FAT3: variants seen among roughly 807,000 people sequenced by gnomAD.
FAT3 encodes the protein protocadherin Fat 3.
Under a neutral mutation model 310.2 loss-of-function variants are expected in FAT3, and 95 were observed. That is an observed-to-expected ratio of 0.31 (90% CI 0.26 to 0.36). FAT3 has a LOEUF of 0.36. Among genes scored for constraint, FAT3 ranks in the 10% least tolerant of loss-of-function variants. FAT3 has a pLI of 1.00. For synonymous variants in FAT3, 2,314 were observed against 2,192.9 expected, an observed-to-expected ratio of 1.06 and a Z score of -1.54; for missense variants, 5,408 against 5,715.6, an observed-to-expected ratio of 0.95 and a Z score of 1.74.
chr11:92,352,018 C>G, intron 1 of FAT3, 78 bp from the exon 2 acceptor site: 1 of 951,018 alleles, frequency 1.1e-6, no homozygotes, highest in Non-Finnish European at 1.3e-6. Flanking sequence ...AGCATGGCTT[C>G]CTAATAGTTA....
chr11:92,415,513 A>T (rs1950388330), intron 2 of FAT3, among the ~76,000 whole-genome samples: 1 of 152,182 alleles, frequency 6.6e-6, no homozygotes, highest in Non-Finnish European at 1.5e-5. Flanking sequence ...CATGTTGGCC[A>T]TCGTTTCGGA....
intron 3 of FAT3, among the ~76,000 whole-genome samples, chr11:92,589,530 A>G (rs780069425): frequency 2.6e-5 from 4 of 152,230 alleles, no homozygotes; most frequent in Non-Finnish European, 4.4e-5. Context: ...GTATGTAAAT[A>G]CACACTAAAC....
chr11:92,372,006 C>T (rs1949198951), intron 2 of FAT3, among the ~76,000 whole-genome samples: 1 of 152,188 alleles, frequency 6.6e-6, no homozygotes, highest in Admixed American at 6.5e-5. Context: ...AATACTCAGC[C>T]TGTTTTCAGT....
In FAT3 at chr11:92,791,690, T is replaced by A. The variant is rs181691087; in HGVS notation, c.4612-1077T>A. Among the ~76,000 whole-genome samples the A allele has an allele frequency of 1.8e-3, 274 of 152,352 alleles. 1 individual carries two copies. The highest frequency in any genetic ancestry group is 5.8e-3 in the African/African-American group (243 of 41,574). On this transcript the variant is annotated intron_variant, in intron 8 of 27. Coordinates refer to ENST00000525166, the MANE Select transcript of FAT3 (RefSeq NM_001367949.2). ...CCCCTTTCTCTTTGATGGCTCTTCTTGGTATATTTTCTAATTTCTTCACAT... is the reference window on the plus strand; with the variant it reads ...CCCCTTTCTCTTTGATGGCTCTTCTAGGTATATTTTCTAATTTCTTCACAT...
intron 2 of FAT3, among the ~76,000 whole-genome samples, chr11:92,401,352 G>C (rs763872281): frequency 6.6e-6 from 1 of 152,098 alleles, no homozygotes; most frequent in Non-Finnish European, 1.5e-5. Context: ...AGTAGCCTTC[G>C]TGAAACCCTT....
At chr11:92,341,279 G>C (rs920447880) in intron 1 of FAT3, among the ~76,000 whole-genome samples, 1 of 152,146 alleles carries the variant, frequency 6.6e-6, no homozygotes, top group Non-Finnish European at 1.5e-5. Context: ...CTGCAGCCTC[G>C]GGCTCTTTAG....
chr11:92,565,772 G>A (rs1591458878), intron 3 of FAT3, among the ~76,000 whole-genome samples: 1 of 152,084 alleles, frequency 6.6e-6, no homozygotes, highest in Non-Finnish European at 1.5e-5. Flanking sequence ...TATAAACAGA[G>A]CCAAAGACAA....
At chr11:92,528,005 A>G (rs910237007) in intron 3 of FAT3, among the ~76,000 whole-genome samples, 6 of 152,238 alleles carry the variant, frequency 3.9e-5, no homozygotes, top group African/African-American at 1.2e-4. Context: ...TGTTTTGGCA[A>G]TGTGCTACAT....
intron 1 of FAT3, among the ~76,000 whole-genome samples, chr11:92,283,246 C>T (rs764780816): frequency 1.3e-5 from 2 of 152,112 alleles, no homozygotes; most frequent in African/African-American, 2.4e-5. Flanking sequence ...AAATCTGAGA[C>T]TTATTAGTCA....
chr11:92,553,749 TTC>T (rs1232816309), intron 3 of FAT3, among the ~76,000 whole-genome samples: 1 of 136,860 alleles, frequency 7.3e-6, no homozygotes, highest in African/African-American at 2.6e-5. Flanking sequence ...CTTTCTCCCT[TTC>T]TCTCTCTCTT....
chr11:92,864,397 C>T (rs965329343), intron 21 of FAT3, among the ~76,000 whole-genome samples: 1 of 152,188 alleles, frequency 6.6e-6, no homozygotes, highest in African/African-American at 2.4e-5. Flanking sequence ...TGATTTATTA[C>T]TTACATTAAA....
At chr11:92,558,590 C>T (rs1486135546) in intron 3 of FAT3, among the ~76,000 whole-genome samples, 1 of 152,184 alleles carries the variant, frequency 6.6e-6, no homozygotes, top group Non-Finnish European at 1.5e-5. Context: ...CTCTGGTTAT[C>T]ATACTACTCA....
Position 92,867,187 on chromosome 11 carries a change from C to A in FAT3, c.12105C>A (p.Ser4035Arg), listed in dbSNP as rs779127502. The A allele has an allele frequency of 6.3e-7, 1 of 1,580,930 alleles. No homozygotes were observed. The highest frequency in any genetic ancestry group is 8.6e-7 in the Non-Finnish European group (1 of 1,167,330). ...GCAGCCCGTGCCAGCACGGGGGCAGCTGCACTGGCCTGCCATCGGGGGGTG... is the reference window on the plus strand; with the variant it reads ...GCAGCCCGTGCCAGCACGGGGGCAGATGCACTGGCCTGCCATCGGGGGGTG... ...CKRSPCQHGG[S>R]CTGLPSGGYQ... Residue 4035 changes from serine to arginine, a missense_variant, in exon 22 of 28, where the codon AGC (serine) becomes AGA (arginine). This residue lies in a region of FAT3 where 4,588 missense variants were observed against 4,809.8 expected (regional missense o/e 0.95). Transcript: ENST00000525166.
intron 2 of FAT3, among the ~76,000 whole-genome samples, chr11:92,475,564 G>A (rs1473093097): frequency 6.6e-6 from 1 of 151,614 alleles, no homozygotes; most frequent in Non-Finnish European, 1.5e-5. Flanking sequence ...TGTATGGAAG[G>A]CTTCAGTTTC....
intron 1 of FAT3, chr11:92,336,316 G>T: frequency 2.2e-6 from 1 of 450,166 alleles, no homozygotes. Context: ...TTGTCCTCAG[G>T]ATCTGGGTCC....
chr11:92,426,954 A>G (rs1435606695), intron 2 of FAT3, among the ~76,000 whole-genome samples: 1 of 152,162 alleles, frequency 6.6e-6, no homozygotes, highest in East Asian at 1.9e-4. Flanking sequence ...TGAACCTATA[A>G]ATCACTTTGG....
intron 1 of FAT3, among the ~76,000 whole-genome samples, chr11:92,267,335 C>T (rs570627329): frequency 6.6e-6 from 1 of 152,160 alleles, no homozygotes; most frequent in African/African-American, 2.4e-5. Context: ...ATGCTGAAAC[C>T]TTTTCCCAGA....
At chr11:92,642,769 A>G (rs1248467507) in intron 3 of FAT3, among the ~76,000 whole-genome samples, 1 of 152,212 alleles carries the variant, frequency 6.6e-6, no homozygotes, top group Non-Finnish European at 1.5e-5. Context: ...GCTGACATTT[A>G]GCCAGCAAAA....
At chr11:92,412,966 T>C (rs1950329501) in intron 2 of FAT3, among the ~76,000 whole-genome samples, 1 of 151,690 alleles carries the variant, frequency 6.6e-6, no homozygotes, top group African/African-American at 2.4e-5. Flanking sequence ...CTCCTACAGT[T>C]TCCATTAGGG....
Sources: gnomAD v4.1 joint callset for allele counts (sites outside exome capture counted in the v4.1 genomes callset) on GRCh38, gnomAD v4.1.1 for gene constraint, gnomAD v4.1.1 regional missense constraint, MANE v1.5 for transcripts, NCBI Gene and HGNC (gene_info 2026-07-23, HGNC 2026-07-21) for gene names.